ENTHD1: variants seen among roughly 807,000 people sequenced by gnomAD.
ENTHD1 encodes the protein ENTH domain containing 1.
Under a neutral mutation model 39.1 loss-of-function variants are expected in ENTHD1, and 23 were observed. That is an observed-to-expected ratio of 0.59 (90% CI 0.42 to 0.83). The LOEUF is 0.83. Ranked by LOEUF, ENTHD1 falls within the 40% of genes least tolerant of loss-of-function variation. The probability of loss-of-function intolerance (pLI) is 0.00; values close to 1 mark genes in which losing one functional copy is unlikely to be tolerated. For missense variants in ENTHD1, 624 were observed against 705.4 expected (o/e 0.88, Z 1.31); for synonymous variants, 230 against 258.2 (o/e 0.89, Z 1.05).
chr22:39,837,045 G>A (rs112062057), intron 3 of ENTHD1, among the ~76,000 whole-genome samples: 147 of 152,140 alleles, frequency 9.7e-4, no homozygotes, highest in Non-Finnish European at 1.9e-3. Context: ...TGATATTTCT[G>A]TTTATATCTT....
intron 6 of ENTHD1, among the ~76,000 whole-genome samples, chr22:39,747,195 G>T (rs2065112327): frequency 6.6e-6 from 1 of 152,058 alleles, no homozygotes; most frequent in Non-Finnish European, 1.5e-5. Flanking sequence ...TGCTACATTG[G>T]CAAGGCTGGT....
At position 39,892,614 on chromosome 22, in the gene ENTHD1, T is replaced by C. The variant is rs563530293; in HGVS notation, c.-156+1081A>G. ...AGTTGATTTCCAAAAGTTTTTGGAT[T>C]TCAGGATTGAGAATAAGGAACAGAG... On this transcript the variant is annotated intron_variant, in intron 1 of 6. Transcript: ENST00000325157. Among the ~76,000 whole-genome samples the C allele has an allele frequency of 1.4e-3, 209 of 152,368 alleles. 7 individuals are homozygous for C. In the South Asian group the frequency reaches 0.042, roughly 31 times the overall value.
chr22:39,847,412 C>T (rs925951715), intron 3 of ENTHD1, among the ~76,000 whole-genome samples: 1 of 150,076 alleles, frequency 6.7e-6, no homozygotes. Context: ...GGAGATACAC[C>T]TAATGCTAAA....
At chr22:39,805,800 GGTTT>G (rs767430289) in intron 5 of ENTHD1, among the ~76,000 whole-genome samples, 1 of 152,094 alleles carries the variant, frequency 6.6e-6, no homozygotes. Flanking sequence ...TTAAGATTTT[GGTTT>G]GTTTGTTTTT....
At chr22:39,778,632 C>A (rs897145962) in intron 5 of ENTHD1, among the ~76,000 whole-genome samples, 4 of 152,164 alleles carry the variant, frequency 2.6e-5, no homozygotes, top group Admixed American at 2.0e-4. Context: ...TACCAGAGAA[C>A]ATGCCCCTTT....
chr22:39,857,360 C>G lies in ENTHD1; in HGVS notation c.592+4405G>C, dbSNP rs145730195. ...TGGAAGGCTGAGGCAGGAGAATCGC[C>G]TGAACCCTGGAGGCAGAGGTTGCAG... is the stretch of plus-strand genomic sequence containing the variant. On this transcript the variant is annotated intron_variant, in intron 3 of 6. Transcript: ENST00000325157. 4.3e-3 allele frequency among the ~76,000 whole-genome samples: 638 copies of G among 147,880 alleles called. 10 individuals are homozygous for G. The highest frequency in any genetic ancestry group is 0.015 in the African/African-American group (587 of 40,358).
intron 5 of ENTHD1, among the ~76,000 whole-genome samples, chr22:39,814,295 C>CAAAAAAA (rs77915572): frequency 8.2e-5 from 8 of 97,712 alleles, no homozygotes; most frequent in African/African-American, 2.5e-4. Flanking sequence ...CCCATCTCTA[C>CAAAAAAA]AAAAAAAAAA....
intron 4 of ENTHD1, among the ~76,000 whole-genome samples, chr22:39,830,767 C>T (rs2065862977): frequency 6.6e-6 from 1 of 152,120 alleles, no homozygotes; most frequent in Non-Finnish European, 1.5e-5. Flanking sequence ...GTGGGAGAAA[C>T]AGACAACAAA....
chr22:39,803,556 T>C (rs551500932), intron 5 of ENTHD1, among the ~76,000 whole-genome samples: 1 of 152,294 alleles, frequency 6.6e-6, no homozygotes, highest in South Asian at 2.1e-4. Flanking sequence ...TTACAGTGCC[T>C]GAGAGAAACT....
At chr22:39,871,810 A>G (rs185265139) in intron 2 of ENTHD1, among the ~76,000 whole-genome samples, 1 of 152,328 alleles carries the variant, frequency 6.6e-6, no homozygotes, top group Admixed American at 6.5e-5. Flanking sequence ...TTTTAAATAA[A>G]AGTTTTTGGT....
intron 5 of ENTHD1, among the ~76,000 whole-genome samples, chr22:39,790,986 G>A (rs185292551): frequency 2.0e-5 from 3 of 152,120 alleles, no homozygotes. Flanking sequence ...ATGTGTGTAC[G>A]TGGCGAGGGC....
At chr22:39,829,052 A>G (rs950429363) in intron 4 of ENTHD1, among the ~76,000 whole-genome samples, 2 of 152,200 alleles carry the variant, frequency 1.3e-5, no homozygotes, top group Non-Finnish European at 2.9e-5. Flanking sequence ...CTCATTCTGT[A>G]GATGTAGTAC....
intron 4 of ENTHD1, among the ~76,000 whole-genome samples, chr22:39,833,189 A>G (rs973930056): frequency 2.0e-5 from 3 of 152,166 alleles, no homozygotes; most frequent in African/African-American, 7.2e-5. Context: ...TGATCAGCTT[A>G]GGTCTTATGG....
intron 3 of ENTHD1, among the ~76,000 whole-genome samples, chr22:39,841,465 G>A (rs536356342): frequency 4.0e-4 from 61 of 151,578 alleles, no homozygotes; most frequent in Middle Eastern, 6.8e-3. Context: ...TCTTCTTGTT[G>A]AATTGATCCC....
intron 5 of ENTHD1, among the ~76,000 whole-genome samples, chr22:39,812,863 A>C: frequency 6.6e-6 from 1 of 152,048 alleles, no homozygotes; most frequent in East Asian, 1.9e-4. Flanking sequence ...GCTCACTGCA[A>C]CCTCTGCCTC....
At chr22:39,794,902 G>C (rs1328918475) in intron 5 of ENTHD1, among the ~76,000 whole-genome samples, 1 of 151,884 alleles carries the variant, frequency 6.6e-6, no homozygotes, top group African/African-American at 2.4e-5. Flanking sequence ...TTGTGGGTTT[G>C]TCATATATGG....
chr22:39,773,473 T>G lies in ENTHD1; in HGVS notation c.833-7864A>C, dbSNP rs943145778. 3.9e-5 allele frequency among the ~76,000 whole-genome samples: 6 copies of G among 152,310 alleles called. No homozygotes were observed. In the East Asian group the frequency reaches 1.2e-3, roughly 29 times the overall value. ...ATGGAATTGAATGTAGAAATAACAATGTACTTAGAAGAAACTCCTAAATAT... is the reference window on the plus strand; with the variant it reads ...ATGGAATTGAATGTAGAAATAACAAGGTACTTAGAAGAAACTCCTAAATAT... On this transcript the variant is annotated intron_variant, in intron 5 of 6. Coordinates refer to ENST00000325157, the MANE Select transcript of ENTHD1 (RefSeq NM_152512.4).
At chr22:39,891,907 AC>A (rs1273782192) in intron 1 of ENTHD1, among the ~76,000 whole-genome samples, 1 of 152,094 alleles carries the variant, frequency 6.6e-6, no homozygotes, top group African/African-American at 2.4e-5. Flanking sequence ...GGTGTGAGCC[AC>A]CGTGCTTGGC....
Position 39,867,945 on chromosome 22 carries a change from A to C in ENTHD1, c.350-5938T>G, listed in dbSNP as rs1262814649. On this transcript the variant is annotated intron_variant, in intron 2 of 6. Transcript: ENST00000325157. This position sits in a 1 kb window ranked among gnomAD's most constrained non-coding sequence, Gnocchi z 4.5. ...GAAGCAGAAATATAACAGAAATGAAAAAGCAGTGAGCGAGGCTGAAGCCAA... is the reference window on the plus strand; with the variant it reads ...GAAGCAGAAATATAACAGAAATGAACAAGCAGTGAGCGAGGCTGAAGCCAA... 2.0e-5 allele frequency among the ~76,000 whole-genome samples: 3 copies of C among 152,178 alleles called. No homozygotes were observed. Among genetic ancestry groups the C allele is most frequent in the Non-Finnish European group, 4.4e-5 (3 of 68,034 alleles).
Sources: gnomAD v4.1 joint callset for allele counts (sites outside exome capture counted in the v4.1 genomes callset) on GRCh38, gnomAD v4.1.1 for gene constraint, Gnocchi (gnomAD v3.1) non-coding constraint, MANE v1.5 for transcripts, NCBI Gene and HGNC (gene_info 2026-07-23, HGNC 2026-07-21) for gene names.